Variants in PNPLA3 observed in about 807,000 individuals in gnomAD.
PNPLA3 encodes the protein 1-acylglycerol-3-phosphate O-acyltransferase PNPLA3.
Under a neutral mutation model 43.1 loss-of-function variants are expected in PNPLA3, and 42 were observed. The observed-to-expected ratio is 0.97, with a 90% CI of 0.76 to 1.26. The LOEUF (loss-of-function observed/expected upper bound fraction) is 1.26, where lower values mean the gene tolerates loss of function less well. Ranked by LOEUF, PNPLA3 falls within the 50% of genes most tolerant of loss-of-function variation. The pLI, the probability that PNPLA3 is intolerant of heterozygous loss-of-function variation, is 0.00. For synonymous variants in PNPLA3, 272 were observed against 253.6 expected, an observed-to-expected ratio of 1.07 and a Z score of -0.69; for missense variants, 647 against 621.4, an observed-to-expected ratio of 1.04 and a Z score of -0.44.
chr22:43,932,790 C>A, intron 3 of PNPLA3, 88 bp from the exon 4 acceptor site: 3 of 1,215,512 alleles, frequency 2.5e-6, no homozygotes, highest in Non-Finnish European at 3.6e-6. Context: ...CTCTGAGAAG[C>A]TCTGCCCACA....
chr22:43,943,168 T>C (rs1010284910), intron 7 of PNPLA3, among the ~76,000 whole-genome samples: 2 of 152,266 alleles, frequency 1.3e-5, no homozygotes, highest in African/African-American at 4.8e-5. Context: ...TCTTGTTTTA[T>C]GGATGTAACA....
chr22:43,924,026 G>T lies in PNPLA3; in HGVS notation c.115G>T (p.Asp39Tyr), dbSNP rs763186149. The T allele has an allele frequency of 1.3e-4, 204 of 1,582,014 alleles. No individual in the cohort carries two copies. Among genetic ancestry groups the T allele is most frequent in the Non-Finnish European group, 1.7e-4 (194 of 1,173,100 alleles). Residue 39 changes from aspartate to tyrosine, a missense_variant, in exon 1 of 9, where the codon GAC (aspartate) becomes TAC (tyrosine). Transcript: ENST00000216180. The stretch of plus-strand genomic sequence containing the variant: ...CGAGCACGCCCCGCACCTCCTCCGC[G>T]ACGCGCGCATGTTGTTCGGCGCTTC... Reference protein sequence around the residue: ...LSEHAPHLLRDARMLFGASAG... With the variant: ...LSEHAPHLLRYARMLFGASAG...
rs555278179 is a variant in PNPLA3 at position 43,941,996 on chromosome 22, T to C, written c.1112+1871T>C. 9.2e-5 allele frequency among the ~76,000 whole-genome samples: 14 copies of C among 152,276 alleles called. No individual in the cohort carries two copies. In the East Asian group the frequency reaches 2.7e-3, roughly 29 times the overall value. The stretch of plus-strand genomic sequence containing the variant: ...TGGATGTGGCCCTGGACTTGGCAGT[T>C]TAATACCTGAGCTGTTAAAATAACC... On this transcript the variant is annotated intron_variant, in intron 7 of 8. Transcript: ENST00000216180.
At chr22:43,925,293 TG>T (rs1455010995) in intron 1 of PNPLA3, among the ~76,000 whole-genome samples, 1 of 151,998 alleles carries the variant, frequency 6.6e-6, no homozygotes, top group African/African-American at 2.4e-5. Flanking sequence ...GTGTGTGTGG[TG>T]GGGGTGCAGA....
Position 43,933,090 on chromosome 22 carries a change from G to A in PNPLA3, c.696+3G>A, listed in dbSNP as rs1226960879. On this transcript the variant is annotated splice_donor_region_variant and intron_variant, in intron 4 of 8. Coordinates refer to ENST00000216180, the MANE Select transcript of PNPLA3 (RefSeq NM_025225.3). ...CTTTTGTCCCCCCGGATCTCAAGGT[G>A]AGTTGGTGGTGAGGGGGCAGGTGTT... 6.2e-7 allele frequency: 1 copy of A among 1,613,004 alleles called. No homozygotes were observed. Among genetic ancestry groups the A allele is most frequent in the East Asian group, 2.2e-5 (1 of 44,878 alleles).
intron 3 of PNPLA3, among the ~76,000 whole-genome samples, chr22:43,929,309 C>G (rs1190777986): frequency 6.6e-6 from 1 of 151,778 alleles, no homozygotes; most frequent in Admixed American, 6.6e-5. Context: ...AACTCTGTCT[C>G]TCCTAAAAAT....
intron 7 of PNPLA3, among the ~76,000 whole-genome samples, chr22:43,942,103 C>T (rs2050034570): frequency 6.6e-6 from 1 of 152,136 alleles, no homozygotes; most frequent in South Asian, 2.1e-4. Flanking sequence ...CCAGCCCATC[C>T]CCAGTTGCTT....
rs761531694 is a variant in PNPLA3, at chr22:43,946,354, C to T, written c.1418C>T (p.Pro473Leu). 3.7e-6 allele frequency: 6 copies of T among 1,614,058 alleles called. No individual in the cohort carries two copies. The Admixed American group carries it at 6.7e-5, about 18-fold the overall frequency. The change falls in exon 9 of 9, where the codon CCC becomes CTC. Residue 473 changes from proline (P) to leucine (L), a missense_variant. Coordinates refer to ENST00000216180, the MANE Select transcript of PNPLA3 (RefSeq NM_025225.3). The part of the protein sequence containing the change: ...PAGAEGLSTF[P>L]SFSLEKSL ...GGTGCTGAGGGGCTCTCCACCTTTC[C>T]CAGTTTTTCACTAGAGAAGAGTCTG...
In PNPLA3 at chr22:43,923,927, C is replaced by G; in HGVS notation, c.16C>G (p.Arg6Gly). MYDAE[R>G]GWSLSFAGCG... ...CGCCGCCGCCATGTACGACGCAGAG[C>G]GCGGCTGGAGCTTGTCCTTCGCGGG... The change falls in exon 1 of 9, where the codon CGC becomes GGC. Residue 6 changes from arginine (R) to glycine (G), a missense_variant. Coordinates refer to ENST00000216180, the MANE Select transcript of PNPLA3 (RefSeq NM_025225.3). The G allele has an allele frequency of 1.9e-6, 3 of 1,569,862 alleles. No individual in the cohort carries two copies. The highest frequency in any genetic ancestry group is 2.6e-6 in the Non-Finnish European group (3 of 1,166,880).
At chr22:43,931,727 G>C (rs2146779814) in intron 3 of PNPLA3, among the ~76,000 whole-genome samples, 1 of 152,280 alleles carries the variant, frequency 6.6e-6, no homozygotes, top group East Asian at 1.9e-4. Context: ...TGTTGCCCAG[G>C]CTGGTCTCGA....
intron 8 of PNPLA3, among the ~76,000 whole-genome samples, chr22:43,945,395 C>T (rs1438437806): frequency 1.3e-5 from 2 of 152,196 alleles, no homozygotes; most frequent in South Asian, 2.1e-4. Flanking sequence ...AGTTCAGGGC[C>T]TGGCTCCCAT....
Position 43,923,811 on chromosome 22 carries a change from C to A in PNPLA3, c.-101C>A, listed in dbSNP as rs973624001. 1.7e-5 allele frequency: 20 copies of A among 1,194,946 alleles called. No individual in the cohort carries two copies. The Admixed American group carries it at 1.7e-4, about 10-fold the overall frequency. 74.0% of individuals were successfully genotyped at this position (1,194,946 alleles called of 1,614,324 possible). A position where few individuals can be genotyped will look rare whatever the true frequency, so the allele number is the denominator to read the frequency against. Reference sequence around the variant, plus strand: ...CGAGACACTGAGGCAGGGTAGAGAGCGCTTGCGGGCGCCGGGCGGAGCTGC... The same window carrying A: ...CGAGACACTGAGGCAGGGTAGAGAGAGCTTGCGGGCGCCGGGCGGAGCTGC... On this transcript the variant is annotated 5_prime_UTR_variant, in exon 1 of 9. Transcript: ENST00000216180.
chr22:43,930,696 G>A (rs887009665), intron 3 of PNPLA3, among the ~76,000 whole-genome samples: 2 of 152,182 alleles, frequency 1.3e-5, no homozygotes, highest in African/African-American at 2.4e-5. Context: ...GTGAATATGT[G>A]CATTGGCTGA....
At chr22:43,924,372 A>G (rs1050491092) in intron 1 of PNPLA3, 37 of 447,758 alleles carry the variant, frequency 8.3e-5, no homozygotes, top group Non-Finnish European at 1.3e-4. Context: ...GCGCCCGTGC[A>G]TGAAGGGAGA....
chr22:43,941,319 T>C (rs1322865248), intron 7 of PNPLA3, among the ~76,000 whole-genome samples: 2 of 148,244 alleles, frequency 1.3e-5, no homozygotes, highest in African/African-American at 2.5e-5. Context: ...TTTCCTCTGA[T>C]TGGGCTTCCT....
In PNPLA3 at chr22:43,932,945, C is replaced by T. The variant is rs768503055; in HGVS notation, c.554C>T (p.Ser185Phe). 17 of 1,614,218 alleles carry T rather than the reference C, an allele frequency of 1.1e-5. No individual in the cohort carries two copies. Among genetic ancestry groups the T allele is most frequent in the Non-Finnish European group, 1.4e-5 (17 of 1,180,040 alleles). ...GATGCCAAAACAACCATCACCGTGTCCCCCTTCTATGGGGAGTACGACATC... is the reference window on the plus strand; with the variant it reads ...GATGCCAAAACAACCATCACCGTGTTCCCCTTCTATGGGGAGTACGACATC... ...FIDAKTTITV[S>F]PFYGEYDICP... The change falls in exon 4 of 9, where the codon TCC (serine) becomes TTC (phenylalanine). Residue 185 changes from serine to phenylalanine, a missense_variant. Coordinates refer to ENST00000216180, the MANE Select transcript of PNPLA3 (RefSeq NM_025225.3).
At position 43,933,029 on chromosome 22, in the gene PNPLA3, G is replaced by A. The variant is rs551148337; in HGVS notation, c.638G>A (p.Arg213His). ...GTGGACATCACCAAGCTCAGTCTAC[G>A]CCTCTGCACAGGGAACCTCTACCTT... The part of the protein sequence containing the change: ...LHVDITKLSL[R>H]LCTGNLYLLS... The change falls in exon 4 of 9, where the codon CGC becomes CAC. Residue 213 changes from arginine (R) to histidine (H), a missense_variant. Arg to His is a conservative substitution (Grantham distance 29). Coordinates refer to ENST00000216180, the MANE Select transcript of PNPLA3 (RefSeq NM_025225.3). 5 of 1,614,132 alleles carry A rather than the reference G, an allele frequency of 3.1e-6. No individual in the cohort carries two copies. The highest frequency in any genetic ancestry group is 4.5e-5 in the East Asian group (2 of 44,882).
rs1429208007 is a variant in PNPLA3 at position 43,926,924 on chromosome 22, C to A, written c.188-11C>A. On this transcript the variant is annotated splice_polypyrimidine_tract_variant and intron_variant, in intron 1 of 8. Transcript: ENST00000216180. Reference sequence around the variant, plus strand: ...GGTACATTCTTTCATGTATTTGTCTCCTGTCCCCAGAGCAGACTCTGCAGG... The same window carrying A: ...GGTACATTCTTTCATGTATTTGTCTACTGTCCCCAGAGCAGACTCTGCAGG... 5 of 1,611,878 alleles carry A rather than the reference C, an allele frequency of 3.1e-6. No homozygotes were observed. The highest frequency in any genetic ancestry group is 4.2e-6 in the Non-Finnish European group (5 of 1,178,032).
Position 43,940,005 on chromosome 22 carries a change from A to G in PNPLA3, c.992A>G (p.Glu331Gly), listed in dbSNP as rs144233415. 8.2e-3 allele frequency: 13,275 copies of G among 1,614,180 alleles called. 81 individuals carry two copies. Among genetic ancestry groups the G allele is most frequent in the Non-Finnish European group, 1.0e-2 (11,749 of 1,180,022 alleles). Reference sequence around the variant, plus strand: ...TTGTCTTTTTCAGCACTGAGTGAAGAAATGAAAGACAAAGGTGGATACATG... The same window carrying G: ...TTGTCTTTTTCAGCACTGAGTGAAGGAATGAAAGACAAAGGTGGATACATG... ...SPRLATALSE[E>G]MKDKGGYMSK... The change falls in exon 7 of 9, where the codon GAA (glutamate) becomes GGA (glycine). Residue 331 changes from glutamate to glycine, a missense_variant. By Grantham distance (98) the Glu-to-Gly change is moderately conservative. Coordinates refer to ENST00000216180, the MANE Select transcript of PNPLA3 (RefSeq NM_025225.3).
Sources: gnomAD v4.1 joint callset for allele counts (sites outside exome capture counted in the v4.1 genomes callset) on GRCh38, gnomAD v4.1.1 for gene constraint, MANE v1.5 for transcripts, NCBI Gene and HGNC (gene_info 2026-07-23, HGNC 2026-07-21) for gene names.